The following PLAC8L1 variants were observed in gnomAD, a reference collection of about 807,000 sequenced individuals.
PLAC8L1 encodes the protein PLAC8 like 1.
In PLAC8L1, 13 loss-of-function variants were observed where a neutral mutation model predicts 16.3. The observed-to-expected ratio is 0.80, with a 90% CI of 0.52 to 1.27. The LOEUF (loss-of-function observed/expected upper bound fraction) is 1.27. Ranked by LOEUF, PLAC8L1 falls within the 50% of genes most tolerant of loss-of-function variation. The pLI is 0.00. For synonymous variants in PLAC8L1, 78 were observed against 79.3 expected (o/e 0.98, Z 0.09); for missense variants, 184 against 220.2 (o/e 0.84, Z 1.04).
At chr5:146,084,735 C>T (rs1763479775) in intron 3 of PLAC8L1, 163 bp from the exon 4 acceptor site, 1 of 865,676 alleles carries the variant, frequency 1.2e-6, no homozygotes. Context: ...AAGTGCCAAG[C>T]AGCTGAATTG....
chr5:146,101,651 G>A (rs1763819676), intron 1 of PLAC8L1, among the ~76,000 whole-genome samples: 1 of 152,144 alleles, frequency 6.6e-6, no homozygotes, highest in African/African-American at 2.4e-5. Context: ...TTATATTTGA[G>A]TCCTCCTCAA....
intron 1 of PLAC8L1, among the ~76,000 whole-genome samples, chr5:146,099,852 A>G (rs1763784850): frequency 6.6e-6 from 1 of 152,080 alleles, no homozygotes; most frequent in South Asian, 2.1e-4. Flanking sequence ...ATTTCATGGT[A>G]TTATAGTATA....
In PLAC8L1 at chr5:146,085,536, C is replaced by T; in HGVS notation, c.318G>A (p.Glu106=). 1 of 1,614,166 alleles carries T rather than the reference C, an allele frequency of 6.2e-7. No individual in the cohort carries two copies. The highest frequency in any genetic ancestry group is 1.3e-5 in the African/African-American group (1 of 75,044). The stretch of plus-strand genomic sequence containing the variant: ...CAGGTAACAACGGCCAACAAAGACA[C>T]TCTCCATAATGCCTGGCGATGTCAC... The part of the protein sequence containing the change: ...LECDIARHYG[E]CLCWPLLPGS... The change falls in exon 3 of 4, where the codon GAG becomes GAA. Residue 106 remains glutamate (E), a synonymous_variant. Transcript: ENST00000311450.
intron 1 of PLAC8L1, 26 bp downstream of exon 1, chr5:146,104,167 G>T: frequency 1.2e-6 from 2 of 1,609,996 alleles, no homozygotes; most frequent in Non-Finnish European, 1.7e-6. Context: ...GCAAAAGCTA[G>T]GGGAAAAACT....
At position 146,104,641 on chromosome 5, in the gene PLAC8L1, C is replaced by T. The variant is rs893607882; in HGVS notation, c.-330G>A. ...TTTATCTAGCTAAGTGCCACTTGAC[C>T]GTTCCTTGGAAGATTCAGAAGGCTG... On this transcript the variant is annotated 5_prime_UTR_variant, in exon 1 of 4. Transcript: ENST00000311450. 2.7e-5 allele frequency: 6 copies of T among 223,616 alleles called. No homozygotes were observed. The highest frequency in any genetic ancestry group is 5.2e-5 in the Non-Finnish European group (6 of 114,496). The allele number at this position is 223,616 out of a possible 1,614,324, so 13.9% of individuals were successfully genotyped here.
intron 1 of PLAC8L1, among the ~76,000 whole-genome samples, chr5:146,101,077 GTCTCAGCTAC>G (rs1475766298): frequency 6.6e-6 from 1 of 151,834 alleles, no homozygotes; most frequent in East Asian, 1.9e-4. Flanking sequence ...CGCACCTGTG[GTCTCAGCTAC>G]TTGGGAAGCT....
intron 3 of PLAC8L1, 57 bp from the exon 4 acceptor site, chr5:146,084,629 C>G: frequency 6.2e-7 from 1 of 1,600,432 alleles, no homozygotes. Flanking sequence ...TTTTCTTCCC[C>G]AGGGTCCTGT....
chr5:146,084,411 G>A lies in PLAC8L1; in HGVS notation c.*21C>T. On this transcript the variant is annotated 3_prime_UTR_variant, in exon 4 of 4. Coordinates refer to ENST00000311450, the MANE Select transcript of PLAC8L1 (RefSeq NM_001029869.3). ...TTGAGAGGAGGGTGTTGGGGAGTAA[G>A]GAGGAGGAGTTATCTTGCTGTCAAA... 1 of 1,612,232 alleles carries A rather than the reference G, an allele frequency of 6.2e-7. No homozygotes were observed.
chr5:146,101,963 A>G (rs1055134791), intron 1 of PLAC8L1, among the ~76,000 whole-genome samples: 1 of 151,866 alleles, frequency 6.6e-6, no homozygotes, highest in Non-Finnish European at 1.5e-5. Context: ...GCTGTATTCT[A>G]TCCATTCCAA....
At chr5:146,089,712 G>A (rs932849665) in intron 2 of PLAC8L1, among the ~76,000 whole-genome samples, 3 of 150,932 alleles carry the variant, frequency 2.0e-5, no homozygotes, top group Non-Finnish European at 2.9e-5. Flanking sequence ...TTCCTGTGGG[G>A]TAGTCTTAAG....
At chr5:146,091,172 T>C (rs185842038) in intron 2 of PLAC8L1, among the ~76,000 whole-genome samples, 106 of 152,358 alleles carry the variant, frequency 7.0e-4, no homozygotes, top group Admixed American at 2.4e-3. Context: ...TTGCTGAATC[T>C]ATGACAATGT....
intron 2 of PLAC8L1, among the ~76,000 whole-genome samples, chr5:146,091,314 G>T (rs1763614899): frequency 6.6e-6 from 1 of 152,108 alleles, no homozygotes; most frequent in Non-Finnish European, 1.5e-5. Flanking sequence ...GAAACAACAT[G>T]AATGTATATT....
chr5:146,086,024 C>CTTTTTTTTTTTTTTTTT (rs58130114), intron 2 of PLAC8L1, among the ~76,000 whole-genome samples: 14 of 90,388 alleles, frequency 1.5e-4, no homozygotes, highest in African/African-American at 6.0e-4. Context: ...ATTGAAAGGT[C>CTTTTTTTTTTTTTTTTT]TTTTTTTTTT....
At chr5:146,094,512 T>C (rs1293603245) in intron 2 of PLAC8L1, among the ~76,000 whole-genome samples, 1 of 152,240 alleles carries the variant, frequency 6.6e-6, no homozygotes, top group East Asian at 1.9e-4. Context: ...TGAGCTGAAT[T>C]ATGAGTTGAT....
At chr5:146,089,105 G>T (rs1763567708) in intron 2 of PLAC8L1, among the ~76,000 whole-genome samples, 1 of 151,992 alleles carries the variant, frequency 6.6e-6, no homozygotes, top group African/African-American at 2.4e-5. Flanking sequence ...TAAGTATATT[G>T]TACAGAAATT....
intron 2 of PLAC8L1, among the ~76,000 whole-genome samples, chr5:146,090,908 G>T (rs34071526): frequency 0.22 from 33,898 of 151,832 alleles, 4,847 homozygotes; most frequent in Admixed American, 0.34. Context: ...CAAAAAATTA[G>T]CCGGGCGTGG....
At chr5:146,087,308 T>A (rs555447166) in intron 2 of PLAC8L1, among the ~76,000 whole-genome samples, 1 of 150,438 alleles carries the variant, frequency 6.6e-6, no homozygotes, top group Non-Finnish European at 1.5e-5. Flanking sequence ...TTTGCTATTA[T>A]GAATTTGACT....
chr5:146,099,602 C>T lies in PLAC8L1; in HGVS notation c.120-1310G>A, dbSNP rs542909539. Among the ~76,000 whole-genome samples the T allele has an allele frequency of 1.4e-4, 20 of 144,278 alleles. No individual in the cohort carries two copies. The South Asian group carries it at 3.9e-3, about 28-fold the overall frequency. The allele number at this position is 144,278 out of a possible 152,430, so 94.7% of individuals were successfully genotyped here. On this transcript the variant is annotated intron_variant, in intron 1 of 3. Transcript: ENST00000311450. ...TGAACTCAGGAGGCAGAGGTTGCAGCGAGCTGAGATCACGCCACTGCACCC... is the reference window on the plus strand; with the variant it reads ...TGAACTCAGGAGGCAGAGGTTGCAGTGAGCTGAGATCACGCCACTGCACCC...
At chr5:146,098,976 A>G (rs545086422) in intron 1 of PLAC8L1, among the ~76,000 whole-genome samples, 6 of 152,344 alleles carry the variant, frequency 3.9e-5, no homozygotes, top group Admixed American at 6.5e-5. Flanking sequence ...TGATTTTCCC[A>G]GAAAGGGATG....
Sources: gnomAD v4.1 joint callset for allele counts (sites outside exome capture counted in the v4.1 genomes callset) on GRCh38, gnomAD v4.1.1 for gene constraint, MANE v1.5 for transcripts, NCBI Gene and HGNC (gene_info 2026-07-23, HGNC 2026-07-21) for gene names.